THAP4: variants seen among roughly 807,000 people sequenced by gnomAD.
THAP4 encodes the protein THAP domain containing 4, also known as peroxynitrite isomerase THAP4.
Under a neutral mutation model 48.1 loss-of-function variants are expected in THAP4, and 18 were observed. The ratio of observed to expected loss-of-function variants is 0.37; its 90% CI spans 0.26 to 0.56. The LOEUF (loss-of-function observed/expected upper bound fraction) is 0.56, where lower values mean the gene tolerates loss of function less well. Among genes scored for constraint, THAP4 ranks in the 20% least tolerant of loss-of-function variants. The pLI, the probability that THAP4 is intolerant of heterozygous loss-of-function variation, is 0.78. For synonymous variants in THAP4, 345 were observed against 324.9 expected, an observed-to-expected ratio of 1.06 and a Z score of -0.66; for missense variants, 656 against 774.9, an observed-to-expected ratio of 0.85 and a Z score of 1.82.
At chr2:241,620,372 G>GATGA (rs1184043004) in intron 2 of THAP4, among the ~76,000 whole-genome samples, 1 of 120,094 alleles carries the variant, frequency 8.3e-6, no homozygotes, top group Admixed American at 8.0e-5. Flanking sequence ...GTGAGTGAGG[G>GATGA]GTGAGGGGTG....
At chr2:241,589,738 T>C (rs920661108) in intron 5 of THAP4, among the ~76,000 whole-genome samples, 4 of 152,152 alleles carry the variant, frequency 2.6e-5, no homozygotes, top group African/African-American at 9.7e-5. Context: ...TACACATGCT[T>C]ACAGCTTTAT....
chr2:241,595,623 G>A (rs2067037738), intron 5 of THAP4, among the ~76,000 whole-genome samples: 2 of 151,392 alleles, frequency 1.3e-5, no homozygotes. Flanking sequence ...GGCAACAAGA[G>A]CGAAACTCTG....
At chr2:241,597,335 T>C (rs1184231582) in intron 5 of THAP4, among the ~76,000 whole-genome samples, 1 of 152,152 alleles carries the variant, frequency 6.6e-6, no homozygotes, top group African/African-American at 2.4e-5. Flanking sequence ...GGTTTCACCA[T>C]GTTGGCCAGA....
At chr2:241,600,597 G>A (rs867349668) in intron 5 of THAP4, among the ~76,000 whole-genome samples, 27 of 150,828 alleles carry the variant, frequency 1.8e-4, no homozygotes, top group African/African-American at 5.9e-4. Flanking sequence ...GTGTGGTGGC[G>A]GGCACCTGTA....
upstream of THAP4, chr2:241,637,512 C>G (rs1318027147): frequency 2.8e-6 from 4 of 1,438,178 alleles, no homozygotes; most frequent in African/African-American, 4.5e-5. Context: ...CGACCCCATG[C>G]CGCCCGCAGG....
intron 2 of THAP4, among the ~76,000 whole-genome samples, chr2:241,619,660 T>C (rs990513939): frequency 2.0e-5 from 3 of 152,094 alleles, no homozygotes; most frequent in Non-Finnish European, 2.9e-5. Context: ...TCTGGGTGAG[T>C]TGGTGAGTAA....
chr2:241,630,159 A>C (rs982100311), intron 2 of THAP4, among the ~76,000 whole-genome samples: 1 of 152,124 alleles, frequency 6.6e-6, no homozygotes, highest in Non-Finnish European at 1.5e-5. Context: ...AAAATCTGTC[A>C]ACACCCTTTT....
intron 4 of THAP4, chr2:241,602,275 C>T (rs2067124317): frequency 2.1e-6 from 1 of 482,532 alleles, no homozygotes; most frequent in African/African-American, 1.9e-5. Flanking sequence ...CTGGCAGAAC[C>T]ACCCCTAGCA....
intron 3 of THAP4, among the ~76,000 whole-genome samples, chr2:241,604,687 G>A (rs1275675537): frequency 6.6e-6 from 1 of 152,156 alleles, no homozygotes; most frequent in East Asian, 1.9e-4. Context: ...TGGGATTACA[G>A]GCGTCAGCCA....
intron 4 of THAP4, among the ~76,000 whole-genome samples, chr2:241,602,512 T>C (rs2067127915): frequency 6.6e-6 from 1 of 152,110 alleles, no homozygotes. Context: ...ATTACAGGCA[T>C]GCACCACCAC....
rs189679743 is a variant in THAP4 at position 241,609,718 on chromosome 2, C to A, written c.1241-3245G>T. Among the ~76,000 whole-genome samples, 628 of 151,530 alleles carry A rather than the reference C, an allele frequency of 4.1e-3. 2 individuals carry two copies. The highest frequency in any genetic ancestry group is 0.014 in the African/African-American group (590 of 41,186). ...ACAAGAATTGCTTGAACCCGGGAGG[C>A]GGAGGTTGCAGTGAGCCGAGGTCGT... On this transcript the variant is annotated intron_variant, in intron 2 of 5. Transcript: ENST00000407315.
chr2:241,604,990 A>G (rs1357943237), intron 3 of THAP4, among the ~76,000 whole-genome samples: 3 of 152,210 alleles, frequency 2.0e-5, no homozygotes, highest in Admixed American at 6.5e-5. Flanking sequence ...ATACCATCAC[A>G]TTTACTGAAA....
chr2:241,633,046 C>G lies in THAP4; in HGVS notation c.1111G>C (p.Gly371Arg), dbSNP rs757706715. ...CLREQVEKKNGELKSLRQRVS... is the reference protein window; with the variant it reads ...CLREQVEKKNRELKSLRQRVS... ...CTCTGCCGCAGGCTCTTCAGCTCGCCGTTCTTCTTCTCCACCTGCTCCCGC... is the reference window on the plus strand; with the variant it reads ...CTCTGCCGCAGGCTCTTCAGCTCGCGGTTCTTCTTCTCCACCTGCTCCCGC... Residue 371 changes from glycine to arginine, a missense_variant, in exon 2 of 6, where the codon GGC becomes CGC. Gly to Arg is a moderately radical substitution (Grantham distance 125). Coordinates refer to ENST00000407315, the MANE Select transcript of THAP4 (RefSeq NM_015963.6). This position sits in a 1 kb window ranked among gnomAD's most constrained non-coding sequence, Gnocchi z 7.5. The G allele has an allele frequency of 6.2e-7, 1 of 1,613,978 alleles. No homozygotes were observed. The highest frequency in any genetic ancestry group is 1.3e-5 in the African/African-American group (1 of 75,072).
intron 5 of THAP4, among the ~76,000 whole-genome samples, chr2:241,598,358 C>T (rs1425819641): frequency 6.6e-6 from 1 of 152,180 alleles, no homozygotes; most frequent in Non-Finnish European, 1.5e-5. Flanking sequence ...TGAATAACTC[C>T]AATACCAAAA....
At chr2:241,599,512 A>G (rs2067087650) in intron 5 of THAP4, among the ~76,000 whole-genome samples, 1 of 152,194 alleles carries the variant, frequency 6.6e-6, no homozygotes, top group Non-Finnish European at 1.5e-5. Flanking sequence ...GAAAAAATCT[A>G]TTTACAAGCA....
chr2:241,610,620 C>T lies in THAP4; in HGVS notation c.1241-4147G>A, dbSNP rs563214433. On this transcript the variant is annotated intron_variant, in intron 2 of 5. Transcript: ENST00000407315. The surrounding 1 kb of genome is among the most constrained non-coding windows in gnomAD (Gnocchi z 4.2). ...GCTTCCCCAGCCACGGGGTCTTCTC[C>T]CGGCCCCTCATCTACTTGGCAGACG... is the stretch of plus-strand genomic sequence containing the variant. Among the ~76,000 whole-genome samples, 2 of 152,210 alleles carry T rather than the reference C, an allele frequency of 1.3e-5. No individual in the cohort carries two copies. The highest frequency in any genetic ancestry group is 3.9e-4 in the East Asian group (2 of 5,154).
chr2:241,637,527 C>T, upstream of THAP4: 3 of 1,444,068 alleles, frequency 2.1e-6, no homozygotes, highest in South Asian at 1.4e-5. Flanking sequence ...CGCAGGGCGC[C>T]CCGGGGCTCG....
chr2:241,614,694 TG>T (rs1256332788), intron 2 of THAP4, among the ~76,000 whole-genome samples: 2 of 152,122 alleles, frequency 1.3e-5, no homozygotes, highest in African/African-American at 4.8e-5. Flanking sequence ...GAGACCAGCC[TG>T]ACCAACATGA....
chr2:241,618,751 G>C (rs1169147824), intron 2 of THAP4, among the ~76,000 whole-genome samples: 1 of 152,036 alleles, frequency 6.6e-6, no homozygotes, highest in Non-Finnish European at 1.5e-5. Flanking sequence ...GCAGGTGTGA[G>C]AATCTCCTGG....
Sources: gnomAD v4.1 joint callset for allele counts (sites outside exome capture counted in the v4.1 genomes callset) on GRCh38, gnomAD v4.1.1 for gene constraint, Gnocchi (gnomAD v3.1) non-coding constraint, MANE v1.5 for transcripts, NCBI Gene and HGNC (gene_info 2026-07-23, HGNC 2026-07-21) for gene names.